MYO1F: variants seen among roughly 807,000 people sequenced by gnomAD.
MYO1F encodes myosin IF.
A neutral mutation model predicts 146.6 loss-of-function variants in MYO1F; 60 were observed. The observed-to-expected ratio is 0.41, with a 90% confidence interval of 0.33 to 0.51. The LOEUF is 0.51. Ranked by LOEUF, MYO1F falls within the 20% of genes least tolerant of loss-of-function variation. The pLI is 0.25. For synonymous variants in MYO1F, 602 were observed against 602.1 expected (o/e 1.00, Z 0.00); for missense variants, 1,274 against 1,534.3 (o/e 0.83, Z 2.83).
intron 21 of MYO1F, among the ~76,000 whole-genome samples, chr19:8,528,563 AAAAAACAAAAAAG>A (rs1157337127): frequency 4.6e-5 from 7 of 152,082 alleles, no homozygotes; most frequent in African/African-American, 1.5e-4. Context: ...CTCTGTCTCA[AAAAAACAAAAAAG>A]AAAAACAAAA....
At chr19:8,564,099 G>C (rs2041957151) in intron 1 of MYO1F, among the ~76,000 whole-genome samples, 1 of 152,138 alleles carries the variant, frequency 6.6e-6, no homozygotes, top group South Asian at 2.1e-4. Flanking sequence ...AGTGGGTGCT[G>C]GCCGGGCATG....
intron 17 of MYO1F, 45 bp from the exon 18 acceptor site, chr19:8,536,642 C>T (rs754129586): frequency 1.9e-5 from 8 of 416,110 alleles, no homozygotes; most frequent in Non-Finnish European, 2.9e-5. Context: ...GGGGAGTCAC[C>T]AGTCCTGGGG....
chr19:8,567,559 G>A (rs1032016933), intron 1 of MYO1F, among the ~76,000 whole-genome samples: 2 of 152,118 alleles, frequency 1.3e-5, no homozygotes, highest in African/African-American at 2.4e-5. Context: ...GTTTTACCGC[G>A]TTGGGCACGC....
intron 1 of MYO1F, among the ~76,000 whole-genome samples, chr19:8,565,189 G>A (rs1039448245): frequency 2.6e-5 from 4 of 151,956 alleles, no homozygotes; most frequent in Non-Finnish European, 5.9e-5. Flanking sequence ...GAGCCACCAC[G>A]CCTGGCTCAT....
chr19:8,553,065 G>T, intron 6 of MYO1F, 74 bp downstream of exon 6: 1 of 1,350,980 alleles, frequency 7.4e-7, no homozygotes, highest in Non-Finnish European at 1.1e-6. Context: ...ACGGGTGTGT[G>T]TATGTGTGGG....
chr19:8,553,279 C>T (rs1973692420), intron 5 of MYO1F, 51 bp from the exon 6 acceptor site: 1 of 1,609,864 alleles, frequency 6.2e-7, no homozygotes, highest in Non-Finnish European at 8.5e-7. Context: ...GGCAGGAGTG[C>T]AGATGGGTGG....
intron 12 of MYO1F, among the ~76,000 whole-genome samples, chr19:8,545,977 T>C (rs1228814487): frequency 6.6e-6 from 1 of 151,874 alleles, no homozygotes; most frequent in African/African-American, 2.4e-5. Context: ...CTCCGCTCTA[T>C]GAAGCCTCCT....
At position 8,548,059 on chromosome 19, in the gene MYO1F, C is replaced by T. The variant is rs374873299; in HGVS notation, c.1246G>A (p.Glu416Lys). 5 of 1,583,664 alleles carry T rather than the reference C, an allele frequency of 3.2e-6. No individual in the cohort carries two copies. The highest frequency in any genetic ancestry group is 1.7e-5 in the Admixed American group (1 of 58,720). Residue 416 changes from glutamate to lysine, a missense_variant, in exon 12 of 28, where the codon GAA becomes AAA. By Grantham distance (56) the Glu-to-Lys change is moderately conservative. Around this residue, in one of 2 missense-constraint regions of MYO1F, gnomAD observed 900 missense variants for 1,155.1 expected, o/e 0.78. Coordinates refer to ENST00000644032, the MANE Select transcript of MYO1F (RefSeq NM_012335.4). The part of the protein sequence containing the change: ...VNEKLQQIFI[E>K]LTLKAEQEEY... Reference sequence around the variant, plus strand: ...ACCTGCTCGGCCTTCAGGGTAAGTTCGATAAAGATTTGCTGCAGCTTCTCA... The same window carrying T: ...ACCTGCTCGGCCTTCAGGGTAAGTTTGATAAAGATTTGCTGCAGCTTCTCA...
At position 8,530,446 on chromosome 19, in the gene MYO1F, C is replaced by CGAAGCCTT; in HGVS notation, c.2158+12_2158+13insAAGGCTTC. 4 of 1,613,710 alleles carry CGAAGCCTT rather than the reference C, an allele frequency of 2.5e-6. No homozygotes were observed. The highest frequency in any genetic ancestry group is 3.4e-6 in the Non-Finnish European group (4 of 1,180,014). ...GTGCCCCCACCCCGCGCCGTTTACC[C>CGAAGCCTT]GAAGCCTCTCACCTTCCTCCCGCAT... On this transcript the variant is annotated intron_variant, in intron 20 of 27. Transcript: ENST00000644032. The surrounding 1 kb of genome is among the most constrained non-coding windows in gnomAD (Gnocchi z 5.8).
At chr19:8,573,864 AC>A (rs1343667965) in intron 1 of MYO1F, among the ~76,000 whole-genome samples, 28 of 152,174 alleles carry the variant, frequency 1.8e-4, no homozygotes, top group African/African-American at 6.7e-4. Flanking sequence ...ACAAAACAAA[AC>A]AAAAAAACAA....
chr19:8,522,816 A>G lies in MYO1F; in HGVS notation c.2868T>C (p.Asn956=). ...CCCCTCTGGCAGAGGGGGGCACCCC[A>G]TTGCGATCCATGCCTGTGGCAGGAG... ...APAPPRGMDR[N]GVPPSARGGP... Residue 956 remains asparagine (N), a synonymous_variant, in exon 26 of 28, where the codon AAT becomes AAC. Coordinates refer to ENST00000644032, the MANE Select transcript of MYO1F (RefSeq NM_012335.4). 6.4e-7 allele frequency: 1 copy of G among 1,573,398 alleles called. No homozygotes were observed. Among genetic ancestry groups the G allele is most frequent in the Non-Finnish European group, 8.6e-7 (1 of 1,163,212 alleles).
At chr19:8,555,302 G>A (rs1377222805) in intron 2 of MYO1F, 3 of 273,162 alleles carry the variant, frequency 1.1e-5, no homozygotes, top group Non-Finnish European at 2.1e-5. Context: ...TCCGGGAGGT[G>A]GAGGTTGCAG....
intron 1 of MYO1F, among the ~76,000 whole-genome samples, chr19:8,570,676 T>A (rs1453190620): frequency 7.5e-6 from 1 of 134,074 alleles, no homozygotes; most frequent in African/African-American, 3.2e-5. Flanking sequence ...CCCAACCACA[T>A]TTTTTTTTTT....
chr19:8,533,952 A>G (rs1337293024), intron 19 of MYO1F, among the ~76,000 whole-genome samples: 2 of 151,976 alleles, frequency 1.3e-5, no homozygotes, highest in East Asian at 3.9e-4. Context: ...TGGGAGGCTG[A>G]GGTGGGCAGA....
At chr19:8,568,706 A>G (rs1046340561) in intron 1 of MYO1F, among the ~76,000 whole-genome samples, 8 of 152,056 alleles carry the variant, frequency 5.3e-5, no homozygotes, top group African/African-American at 1.9e-4. Flanking sequence ...AGATCACTTG[A>G]GGTCAGGAGT....
chr19:8,535,296 A>G (rs771871972), intron 19 of MYO1F, among the ~76,000 whole-genome samples: 1 of 152,108 alleles, frequency 6.6e-6, no homozygotes, highest in East Asian at 1.9e-4. Context: ...ATAGGATTTT[A>G]CCACTAAGCA....
In MYO1F at chr19:8,530,761, C is replaced by T. The variant is rs559043787; in HGVS notation, c.2044-188G>A. Among the ~76,000 whole-genome samples the T allele has an allele frequency of 6.6e-5, 10 of 152,252 alleles. No homozygotes were observed. The highest frequency in any genetic ancestry group is 4.4e-5 in the Non-Finnish European group (3 of 68,012). On this transcript the variant is annotated intron_variant, in intron 19 of 27. Transcript: ENST00000644032. The surrounding 1 kb of genome is among the most constrained non-coding windows in gnomAD (Gnocchi z 5.8). ...CATAAAGAAAAGAAGAAAAAGGGGC[C>T]GGGCGCAGTGGCTCACGCCTGTAAT...
At chr19:8,525,357 GAGTCC>G (rs1412205276) in intron 25 of MYO1F, 117 bp downstream of exon 25, 2 of 829,608 alleles carry the variant, frequency 2.4e-6, no homozygotes, top group East Asian at 2.4e-5. Flanking sequence ...GAGCTACGGA[GAGTCC>G]TGGACAGAGA....
intron 6 of MYO1F, 35 bp downstream of exon 6, chr19:8,553,104 G>A (rs1973683096): frequency 6.3e-7 from 1 of 1,590,722 alleles, no homozygotes; most frequent in East Asian, 2.2e-5. Context: ...AGCACGGAGG[G>A]AGCAGCTGCT....
Sources: allele counts gnomAD v4.1 joint callset (sites outside exome capture counted in the v4.1 genomes callset), GRCh38; gene constraint gnomAD v4.1.1; regional missense constraint gnomAD v4.1.1; non-coding constraint Gnocchi (gnomAD v3.1); transcripts MANE v1.5; gene names NCBI Gene and HGNC (gene_info 2026-07-23, HGNC 2026-07-21).